The following SHISAL1 variants were observed in gnomAD, a reference collection of about 807,000 sequenced individuals.
SHISAL1 encodes the protein protein shisa-like-1.
A neutral mutation model predicts 22.6 loss-of-function variants in SHISAL1; 9 were observed. That is an observed-to-expected ratio of 0.40 (90% confidence interval 0.24 to 0.70). The LOEUF (loss-of-function observed/expected upper bound fraction) is 0.70. SHISAL1 is among the 30% of genes least tolerant of loss of function. SHISAL1 has a pLI of 0.39. For missense variants in SHISAL1, 246 were observed against 270.6 expected (o/e 0.91, Z 0.64); for synonymous variants, 119 against 115.4 (o/e 1.03, Z -0.20).
intron 4 of SHISAL1, among the ~76,000 whole-genome samples, chr22:44,274,849 C>G (rs2055229020): frequency 6.6e-6 from 1 of 151,564 alleles, no homozygotes; most frequent in Non-Finnish European, 1.5e-5. Flanking sequence ...CAATAATAAT[C>G]ACAGTTAGCA....
chr22:44,284,889 G>GCCTTCCTTCCTT (rs1156921536), intron 4 of SHISAL1, among the ~76,000 whole-genome samples: 1 of 75,854 alleles, frequency 1.3e-5, no homozygotes, highest in Admixed American at 1.3e-4. Flanking sequence ...CCACCTCTCT[G>GCCTTCCTTCCTT]CCTTCCTGCC....
rs2054999357 is a variant in SHISAL1 at position 44,246,198 on chromosome 22, C to G, written c.*3487G>C. 1 of 152,176 alleles carries G rather than the reference C, an allele frequency of 6.6e-6. No homozygotes were observed. The highest frequency in any genetic ancestry group is 1.5e-5 in the Non-Finnish European group (1 of 68,050). The allele number at this position is 152,176 out of a possible 1,614,324, so 9.4% of individuals were successfully genotyped here. A position where few individuals can be genotyped will look rare whatever the true frequency, so the allele number is the denominator to read the frequency against. On this transcript the variant is annotated 3_prime_UTR_variant, in exon 5 of 5. Coordinates refer to ENST00000381176, the MANE Select transcript of SHISAL1 (RefSeq NM_001099294.2). ...CAGCTATTGGTTCTGAATAGAGATTCTGAAACACACAACAATCACACCGTA... is the reference window on the plus strand; with the variant it reads ...CAGCTATTGGTTCTGAATAGAGATTGTGAAACACACAACAATCACACCGTA...
chr22:44,292,942 C>T (rs779646653), intron 3 of SHISAL1, among the ~76,000 whole-genome samples: 25 of 152,240 alleles, frequency 1.6e-4, no homozygotes, highest in Non-Finnish European at 3.5e-4. Flanking sequence ...CATGCATGGC[C>T]TATGCAGCCT....
chr22:44,256,750 A>G (rs751631224), intron 4 of SHISAL1, among the ~76,000 whole-genome samples: 16 of 150,186 alleles, frequency 1.1e-4, no homozygotes, highest in Non-Finnish European at 1.8e-4. Context: ...TGCCTGGCAC[A>G]GGGTCTACAC....
At chr22:44,274,197 C>T (rs2055224321) in intron 4 of SHISAL1, among the ~76,000 whole-genome samples, 1 of 151,968 alleles carries the variant, frequency 6.6e-6, no homozygotes, top group Non-Finnish European at 1.5e-5. Flanking sequence ...CTGCAGTGAG[C>T]CAAGATCACA....
intron 2 of SHISAL1, among the ~76,000 whole-genome samples, chr22:44,298,912 C>T (rs561938112): frequency 4.3e-4 from 66 of 152,344 alleles, no homozygotes; most frequent in African/African-American, 1.6e-3. Context: ...CGGCTGCCTT[C>T]CCGGAGCCAA....
intron 1 of SHISAL1, among the ~76,000 whole-genome samples, chr22:44,308,367 C>T (rs958740807): frequency 3.3e-5 from 5 of 152,238 alleles, no homozygotes; most frequent in East Asian, 1.9e-4. Context: ...TTCAAGGCTG[C>T]GCTCGCACCT....
chr22:44,280,702 C>T (rs1287633980), intron 4 of SHISAL1, among the ~76,000 whole-genome samples: 1 of 150,792 alleles, frequency 6.6e-6, no homozygotes, highest in African/African-American at 2.4e-5. Flanking sequence ...GAGGTGGGGA[C>T]AATGGGGAGT....
intron 4 of SHISAL1, among the ~76,000 whole-genome samples, chr22:44,262,014 G>T (rs914167758): frequency 6.6e-6 from 1 of 152,242 alleles, no homozygotes; most frequent in African/African-American, 2.4e-5. Context: ...ACTGAGTCAG[G>T]TGTGGGCCCT....
At chr22:44,327,106 C>T in the SHISAL1 span, among the ~76,000 whole-genome samples, 4 of 152,270 alleles carry the variant, frequency 2.6e-5, no homozygotes, top group Middle Eastern at 3.4e-3. Context: ...AGATCGGTTT[C>T]AGCCCCCTCC....
intron 2 of SHISAL1, among the ~76,000 whole-genome samples, chr22:44,298,575 G>C (rs566449287): frequency 6.6e-6 from 1 of 152,352 alleles, no homozygotes; most frequent in African/African-American, 2.4e-5. Flanking sequence ...CACGCTCAGT[G>C]CGTGGGCAGC....
upstream of SHISAL1, among the ~76,000 whole-genome samples, chr22:44,316,816 G>A (rs952887560): frequency 3.3e-5 from 5 of 152,202 alleles, no homozygotes; most frequent in East Asian, 1.9e-4. Flanking sequence ...AGGTTCTCTG[G>A]GCAGCTACCT....
At chr22:44,275,984 T>A (rs2055236972) in intron 4 of SHISAL1, among the ~76,000 whole-genome samples, 1 of 152,232 alleles carries the variant, frequency 6.6e-6, no homozygotes. Context: ...CAGGCCCTGT[T>A]CTATGTGCTG....
rs187892610 is a variant in SHISAL1, at chr22:44,283,748, A to G, written c.599+1680T>C. On this transcript the variant is annotated intron_variant, in intron 4 of 4. Coordinates refer to ENST00000381176, the MANE Select transcript of SHISAL1 (RefSeq NM_001099294.2). ...TTTAAACGGAAGATTCTCAGCTATC[A>G]AAAAGCTTGGCTCTTATAGACGTTT... 2.6e-3 allele frequency among the ~76,000 whole-genome samples: 398 copies of G among 152,350 alleles called. 9 individuals are homozygous for G. The highest frequency in any genetic ancestry group is 4.4e-4 in the Non-Finnish European group (30 of 68,046).
intron 4 of SHISAL1, among the ~76,000 whole-genome samples, chr22:44,253,794 A>G (rs1257792541): frequency 6.6e-6 from 1 of 151,650 alleles, no homozygotes; most frequent in African/African-American, 2.4e-5. Flanking sequence ...GTTGGCAAAA[A>G]CTAAAGTAAG....
intron 4 of SHISAL1, among the ~76,000 whole-genome samples, chr22:44,282,637 C>A (rs1474098622): frequency 6.6e-6 from 1 of 152,150 alleles, no homozygotes; most frequent in Non-Finnish European, 1.5e-5. Context: ...GGCAGAGAAG[C>A]CACAGAGGCT....
rs2055311555 is a variant in SHISAL1, at chr22:44,285,836, C to G, written c.282-91G>C. On this transcript the variant is annotated intron_variant, in intron 3 of 4. Coordinates refer to ENST00000381176, the MANE Select transcript of SHISAL1 (RefSeq NM_001099294.2). ...AGTGGGGCTGATTAGAGAATGTGTC[C>G]TGGGGCTATGTTGGGGTCCCCGGGA... 3.5e-6 allele frequency: 4 copies of G among 1,145,656 alleles called. No homozygotes were observed. In the Admixed American group the frequency reaches 7.7e-5, roughly 22 times the overall value. 71.0% of individuals were successfully genotyped at this position (1,145,656 alleles called of 1,614,324 possible). A position where few individuals can be genotyped will look rare whatever the true frequency, so the allele number is the denominator to read the frequency against.
At chr22:44,263,954 T>C (rs568147695) in intron 4 of SHISAL1, among the ~76,000 whole-genome samples, 3 of 152,174 alleles carry the variant, frequency 2.0e-5, no homozygotes, top group Non-Finnish European at 4.4e-5. Context: ...CCAAGAGAGA[T>C]GTGTGCATTC....
chr22:44,315,798 T>C (rs2055554473), upstream of SHISAL1, among the ~76,000 whole-genome samples: 1 of 151,930 alleles, frequency 6.6e-6, no homozygotes, highest in Non-Finnish European at 1.5e-5. Context: ...ATGACTGAGA[T>C]GAAGAACACG....
Sources: allele counts gnomAD v4.1 joint callset (sites outside exome capture counted in the v4.1 genomes callset), GRCh38; gene constraint gnomAD v4.1.1; transcripts MANE v1.5; gene names NCBI Gene and HGNC (gene_info 2026-07-23, HGNC 2026-07-21).